The following NOL4L variants were observed in gnomAD, a reference collection of about 807,000 sequenced individuals.
NOL4L encodes nucleolar protein 4 like, also known as nucleolar protein 4-like.
In NOL4L, 7 loss-of-function variants were observed where a neutral mutation model predicts 64.5. The observed-to-expected ratio is 0.11, with a 90% CI of 0.06 to 0.20. The LOEUF (loss-of-function observed/expected upper bound fraction) is 0.20, where lower values mean the gene tolerates loss of function less well. Ranked by LOEUF, NOL4L falls within the 10% of genes least tolerant of loss-of-function variation. The probability of loss-of-function intolerance (pLI) is 1.00; values close to 1 mark genes in which losing one functional copy is unlikely to be tolerated. For synonymous variants in NOL4L, 413 were observed against 401.0 expected (o/e 1.03, Z -0.36); for missense variants, 680 against 967.1 (o/e 0.70, Z 3.94).
Position 32,527,860 on chromosome 20 carries a change from C to A in NOL4L, c.375G>T (p.Val125=). 1 of 1,550,614 alleles carries A rather than the reference C, an allele frequency of 6.4e-7. No homozygotes were observed. Among genetic ancestry groups the A allele is most frequent in the Non-Finnish European group, 8.7e-7 (1 of 1,146,978 alleles). The change falls in exon 2 of 11, where the codon GTG becomes GTT. Residue 125 remains valine (V), a synonymous_variant. Transcript: ENST00000621426. ...PEGISLKRVA[V]VEDFFDIIYS... ...AGATGATGTCAAAGAAATCTTCCACCACAGCGACCCGCTTCAGAGAGATGC... is the reference window on the plus strand; with the variant it reads ...AGATGATGTCAAAGAAATCTTCCACAACAGCGACCCGCTTCAGAGAGATGC...
At chr20:32,566,136 G>T (rs1291548268) in intron 1 of NOL4L, among the ~76,000 whole-genome samples, 1 of 152,162 alleles carries the variant, frequency 6.6e-6, no homozygotes, top group Non-Finnish European at 1.5e-5. Context: ...TCCCAGAGTG[G>T]TCTCTGTAAG....
At chr20:32,502,483 C>T (rs2016961008) in intron 4 of NOL4L, among the ~76,000 whole-genome samples, 1 of 151,580 alleles carries the variant, frequency 6.6e-6, no homozygotes, top group African/African-American at 2.4e-5. Context: ...ATTCCAGTTA[C>T]TCAGGAGGCT....
intron 4 of NOL4L, among the ~76,000 whole-genome samples, chr20:32,508,520 C>T (rs932719602): frequency 4.6e-5 from 7 of 152,194 alleles, no homozygotes; most frequent in African/African-American, 1.2e-4. Flanking sequence ...AGATGAAGGG[C>T]TCTAGGCATG....
intron 2 of NOL4L, among the ~76,000 whole-genome samples, chr20:32,523,606 C>G (rs1181763800): frequency 6.6e-6 from 1 of 152,116 alleles, no homozygotes; most frequent in Non-Finnish European, 1.5e-5. Flanking sequence ...AGCTGCAGAC[C>G]CTGTTCTAGA....
At chr20:32,483,465 G>C in intron 4 of NOL4L, 1 of 991,960 alleles carries the variant, frequency 1.0e-6, no homozygotes, top group Non-Finnish European at 1.2e-6. Context: ...TGCTGCTGCC[G>C]CCGCGGCTGC....
chr20:32,453,566 C>T lies in NOL4L; in HGVS notation c.1305+10G>A, dbSNP rs766976551. ...CCATCCCACCCCACCTGTTTCCGGC[C>T]GGTGCTCACGTTGAAGGCCTTAAGA... On this transcript the variant is annotated intron_variant, in intron 7 of 10. Coordinates refer to ENST00000621426, the MANE Select transcript of NOL4L (RefSeq NM_001256798.2). The surrounding 1 kb of genome is among the most constrained non-coding windows in gnomAD (Gnocchi z 5.6). The T allele has an allele frequency of 1.4e-5, 22 of 1,613,758 alleles. No individual in the cohort carries two copies. Among genetic ancestry groups the T allele is most frequent in the East Asian group, 8.9e-5 (4 of 44,888 alleles).
chr20:32,493,232 C>T (rs371775216), intron 4 of NOL4L, among the ~76,000 whole-genome samples: 6 of 152,206 alleles, frequency 3.9e-5, no homozygotes, highest in African/African-American at 1.4e-4. Flanking sequence ...CTTACGTTCA[C>T]TCGGTCCAAG....
At chr20:32,494,252 GGAA>G (rs1327526079) in intron 4 of NOL4L, among the ~76,000 whole-genome samples, 1 of 27,094 alleles carries the variant, frequency 3.7e-5, no homozygotes. Flanking sequence ...GATAATCTCG[GGAA>G]AAAAAAAAAA....
intron 5 of NOL4L, among the ~76,000 whole-genome samples, chr20:32,473,440 C>T (rs914684506): frequency 2.0e-5 from 3 of 152,174 alleles, no homozygotes; most frequent in African/African-American, 7.2e-5. Context: ...GGGGTCGCAC[C>T]GACCTCACGA....
intron 4 of NOL4L, among the ~76,000 whole-genome samples, chr20:32,481,703 T>A (rs2015724044): frequency 6.6e-6 from 1 of 152,208 alleles, no homozygotes; most frequent in Admixed American, 6.5e-5. Flanking sequence ...AGGAGCTTGA[T>A]ATTATTCAAG....
intron 4 of NOL4L, among the ~76,000 whole-genome samples, chr20:32,488,827 T>TTTTCTTTC (rs1175303976): frequency 0.015 from 506 of 33,046 alleles, 10 homozygotes; most frequent in Non-Finnish European, 0.021. Flanking sequence ...CTTTCTTTCT[T>TTTTCTTTC]TTTCTTTCTT....
intron 1 of NOL4L, among the ~76,000 whole-genome samples, chr20:32,579,618 A>G (rs1245621991): frequency 1.3e-5 from 2 of 152,096 alleles, no homozygotes; most frequent in Non-Finnish European, 2.9e-5. Context: ...GCTCCTACCC[A>G]GGGAAGAAGG....
chr20:32,449,341 G>C (rs544911501), intron 10 of NOL4L, among the ~76,000 whole-genome samples: 1 of 152,348 alleles, frequency 6.6e-6, no homozygotes, highest in South Asian at 2.1e-4. Flanking sequence ...CTCCATGGCA[G>C]TTTTTATGCT....
At chr20:32,536,153 G>A in intron 1 of NOL4L, 1 of 985,636 alleles carries the variant, frequency 1.0e-6, no homozygotes, top group Non-Finnish European at 1.2e-6. Context: ...CGCCCTAGAA[G>A]ACACCCATTA....
rs775154968 is a variant in NOL4L, at chr20:32,447,718, C to G, written c.1921G>C (p.Ala641Pro). 5 of 1,384,112 alleles carry G rather than the reference C, an allele frequency of 3.6e-6. No individual in the cohort carries two copies. The East Asian group carries it at 2.0e-4, about 54-fold the overall frequency. 85.7% of individuals were successfully genotyped at this position (1,384,112 alleles called of 1,614,324 possible). ...CTGATCTCCGTGGGGCTGAGCTGAG[C>G]GGTGGGCACGGGCCTGCTGGTGCTG... ...STSTSRPVPT[A>P]QLSPTEISAV... Residue 641 changes from alanine (A) to proline (P), a missense_variant, in exon 11 of 11, where the codon GCT becomes CCT. This residue lies in a region of NOL4L where 175 missense variants were observed against 227.0 expected (regional missense o/e 0.77). Transcript: ENST00000621426.
chr20:32,538,480 TCCCTCCCTCCC>T lies in NOL4L; in HGVS notation c.322-10578_322-10568del, dbSNP rs2018593909. Reference sequence around the variant, plus strand: ...CTCCCTCGCTCCCTCCCTCCCTCCCTCCCTCCCTCCCTCCCTCCCTCCTCCTTCATGGCTGG... The same window carrying T: ...CTCCCTCGCTCCCTCCCTCCCTCCCTTCCCTCCCTCCTCCTTCATGGCTGG... On this transcript the variant is annotated intron_variant, in intron 1 of 10. Transcript: ENST00000621426. Among the ~76,000 whole-genome samples the T allele has an allele frequency of 1.0e-4, 8 of 80,068 alleles. 1 individual carries two copies. The highest frequency in any genetic ancestry group is 3.4e-4 in the African/African-American group (8 of 23,756). The allele number at this position is 80,068 out of a possible 152,430, so 52.5% of individuals were successfully genotyped here.
intron 4 of NOL4L, among the ~76,000 whole-genome samples, chr20:32,484,672 T>C (rs1028824543): frequency 3.3e-5 from 5 of 151,756 alleles, no homozygotes; most frequent in Admixed American, 2.0e-4. Context: ...TGTAAAGTAA[T>C]AGGATAATCT....
At chr20:32,558,466 G>T (rs990697723) in intron 1 of NOL4L, among the ~76,000 whole-genome samples, 1 of 152,216 alleles carries the variant, frequency 6.6e-6, no homozygotes, top group South Asian at 2.1e-4. Context: ...CCAGCACCCT[G>T]AATGAGACTA....
At position 32,444,943 on chromosome 20, in the gene NOL4L, T is replaced by G. The variant is rs1012964053; in HGVS notation, c.*2653A>C. ...GGGGAAGGGGTTGAAGCTGCATCTT[T>G]TAAAACAAAAGCAAAACAAGTTCCC... On this transcript the variant is annotated 3_prime_UTR_variant, in exon 11 of 11. Transcript: ENST00000621426. 1.0e-5 allele frequency: 1 copy of G among 95,544 alleles called. No homozygotes were observed. Among genetic ancestry groups the G allele is most frequent in the Non-Finnish European group, 1.9e-5 (1 of 51,880 alleles). 5.9% of individuals were successfully genotyped at this position (95,544 alleles called of 1,614,324 possible). A position where few individuals can be genotyped will look rare whatever the true frequency, so the allele number is the denominator to read the frequency against.
Sources: gnomAD v4.1 joint callset for allele counts (sites outside exome capture counted in the v4.1 genomes callset) on GRCh38, gnomAD v4.1.1 for gene constraint, gnomAD v4.1.1 regional missense constraint, Gnocchi (gnomAD v3.1) non-coding constraint, MANE v1.5 for transcripts, NCBI Gene and HGNC (gene_info 2026-07-23, HGNC 2026-07-21) for gene names.